Variants in EPB41L4A observed in about 807,000 individuals in gnomAD.
The protein encoded by EPB41L4A is band 4.1-like protein 4A.
In EPB41L4A, 100 loss-of-function variants were observed where a neutral mutation model predicts 108.6. That is an observed-to-expected ratio of 0.92 (90% confidence interval 0.78 to 1.09). The LOEUF (loss-of-function observed/expected upper bound fraction) is 1.09. EPB41L4A is among the 50% of genes least tolerant of loss of function. The pLI is 0.00. For synonymous variants in EPB41L4A, 319 were observed against 289.0 expected (o/e 1.10, Z -1.05); for missense variants, 1,030 against 842.7 (o/e 1.22, Z -2.75).
chr5:112,386,584 T>C (rs1760545131), intron 1 of EPB41L4A, among the ~76,000 whole-genome samples: 1 of 152,220 alleles, frequency 6.6e-6, no homozygotes, highest in Non-Finnish European at 1.5e-5. Flanking sequence ...GGCTCTGATC[T>C]GCAAAAGATG....
intron 13 of EPB41L4A, among the ~76,000 whole-genome samples, chr5:112,209,214 TAGAG>T (rs1022976339): frequency 2.0e-5 from 3 of 152,238 alleles, no homozygotes; most frequent in Non-Finnish European, 4.4e-5. Flanking sequence ...GCAACCCCTA[TAGAG>T]AAAGTGAGCT....
intron 1 of EPB41L4A, among the ~76,000 whole-genome samples, chr5:112,348,093 T>A (rs894468421): frequency 9.2e-5 from 14 of 152,336 alleles, no homozygotes; most frequent in African/African-American, 3.4e-4. Flanking sequence ...ATGCTCAAGA[T>A]AAGCCAACAT....
At chr5:112,306,933 G>C (rs749016735) in intron 2 of EPB41L4A, among the ~76,000 whole-genome samples, 1 of 151,820 alleles carries the variant, frequency 6.6e-6, no homozygotes, top group Non-Finnish European at 1.5e-5. Context: ...ATTTTATTTT[G>C]TAACAGCTCA....
rs541203393 is a variant in EPB41L4A, at chr5:112,182,078, A to G, written c.1622+1938T>C. On this transcript the variant is annotated intron_variant, in intron 18 of 22. Coordinates refer to ENST00000261486, the MANE Select transcript of EPB41L4A (RefSeq NM_022140.5). ...ACAGAGAAAAAAAAAAAAGAAAAAG[A>G]AATCAGAACAGTGGTTGGTTGTGGG... 9.2e-5 allele frequency among the ~76,000 whole-genome samples: 14 copies of G among 152,076 alleles called. No homozygotes were observed. In the South Asian group the frequency reaches 2.9e-3, roughly 32 times the overall value.
At chr5:112,397,245 T>C (rs781454358) in intron 1 of EPB41L4A, among the ~76,000 whole-genome samples, 1 of 152,210 alleles carries the variant, frequency 6.6e-6, no homozygotes, top group Non-Finnish European at 1.5e-5. Flanking sequence ...AGCTGATTTT[T>C]CATAAGAATT....
At chr5:112,214,936 T>C (rs1026629412) in intron 12 of EPB41L4A, among the ~76,000 whole-genome samples, 8 of 152,158 alleles carry the variant, frequency 5.3e-5, no homozygotes, top group Non-Finnish European at 8.8e-5. Context: ...ATATTTGACA[T>C]ATAAAACAAA....
chr5:112,181,597 G>A (rs4957631), intron 18 of EPB41L4A, among the ~76,000 whole-genome samples: 150,058 of 152,360 alleles, frequency 0.98, 73,908 homozygotes, highest in East Asian at 1. Flanking sequence ...AAACAATTCA[G>A]CTGTCCATCA....
chr5:112,176,524 G>A (rs1760871437), intron 18 of EPB41L4A, among the ~76,000 whole-genome samples: 1 of 152,012 alleles, frequency 6.6e-6, no homozygotes, highest in Admixed American at 6.6e-5. Flanking sequence ...TACCCACTCA[G>A]TGCATCTGCT....
intron 1 of EPB41L4A, among the ~76,000 whole-genome samples, chr5:112,358,269 C>G (rs1466947173): frequency 4.6e-5 from 7 of 152,186 alleles, no homozygotes; most frequent in African/African-American, 1.7e-4. Flanking sequence ...ATTACACATA[C>G]ACACATGAAT....
At chr5:112,297,499 T>C (rs1490022460) in intron 2 of EPB41L4A, among the ~76,000 whole-genome samples, 1 of 152,058 alleles carries the variant, frequency 6.6e-6, no homozygotes, top group Non-Finnish European at 1.5e-5. Flanking sequence ...TTCTTTCTTA[T>C]TTGTTTGAGT....
chr5:112,384,520 G>C (rs557413559), intron 1 of EPB41L4A, among the ~76,000 whole-genome samples: 2 of 151,988 alleles, frequency 1.3e-5, no homozygotes, highest in African/African-American at 4.8e-5. Flanking sequence ...TCTCCACTCA[G>C]AGCCTGAGAA....
Position 112,176,108 on chromosome 5 carries a change from G to C in EPB41L4A, c.1623-5116C>G, listed in dbSNP as rs541717888. Among the ~76,000 whole-genome samples the C allele has an allele frequency of 5.9e-5, 9 of 152,168 alleles. No homozygotes were observed. In the East Asian group the frequency reaches 9.7e-4, roughly 16 times the overall value. On this transcript the variant is annotated intron_variant, in intron 18 of 22. Coordinates refer to ENST00000261486, the MANE Select transcript of EPB41L4A (RefSeq NM_022140.5). ...GTTTCTAGAGAATAACTAAGACCTG[G>C]GGGAACTTACTAATAAAGGCTGTGA...
intron 1 of EPB41L4A, among the ~76,000 whole-genome samples, chr5:112,322,520 T>C (rs1755849014): frequency 6.6e-6 from 1 of 152,076 alleles, no homozygotes; most frequent in South Asian, 2.1e-4. Context: ...GAAATCTAAG[T>C]CGGTTCTACT....
intron 11 of EPB41L4A, among the ~76,000 whole-genome samples, chr5:112,235,858 T>C (rs1749293464): frequency 2.0e-5 from 3 of 152,194 alleles, no homozygotes; most frequent in Non-Finnish European, 4.4e-5. Context: ...TAACAGTTCA[T>C]GGAAATTCGG....
rs564942347 is a variant in EPB41L4A at position 112,215,770 on chromosome 5, A to C, written c.1088-5788T>G. 3.3e-4 allele frequency among the ~76,000 whole-genome samples: 48 copies of C among 145,964 alleles called. 1 individual carries two copies. Among genetic ancestry groups the C allele is most frequent in the Admixed American group, 6.2e-4 (9 of 14,600 alleles). ...AGAGTGAGACTCCATCTCAAAAAAA[A>C]AAAAAAACAAAAAAAACAAAAAAAA... On this transcript the variant is annotated intron_variant, in intron 12 of 22. Coordinates refer to ENST00000261486, the MANE Select transcript of EPB41L4A (RefSeq NM_022140.5).
At chr5:112,269,667 T>TG (rs1752122765) in intron 4 of EPB41L4A, among the ~76,000 whole-genome samples, 2 of 152,162 alleles carry the variant, frequency 1.3e-5, no homozygotes, top group Non-Finnish European at 2.9e-5. Flanking sequence ...AATAACTCAC[T>TG]TCATCATTCT....
intron 1 of EPB41L4A, among the ~76,000 whole-genome samples, chr5:112,332,188 A>G (rs1202312781): frequency 6.6e-6 from 1 of 152,230 alleles, no homozygotes; most frequent in Non-Finnish European, 1.5e-5. Context: ...AATCTTAAGG[A>G]TAGTGAGAAG....
At chr5:112,266,154 T>C (rs1751838789) in intron 5 of EPB41L4A, 79 bp downstream of exon 5, 1 of 979,918 alleles carries the variant, frequency 1.0e-6, no homozygotes, top group Non-Finnish European at 1.5e-6. Context: ...AGAAGAGTTT[T>C]AGTATGTAAA....
intron 1 of EPB41L4A, among the ~76,000 whole-genome samples, chr5:112,374,567 A>G (rs1045914063): frequency 1.1e-4 from 16 of 152,224 alleles, no homozygotes; most frequent in African/African-American, 3.6e-4. Flanking sequence ...CCAGGTCTTC[A>G]TGGTGCATCT....
Sources: gnomAD v4.1 joint callset for allele counts (sites outside exome capture counted in the v4.1 genomes callset) on GRCh38, gnomAD v4.1.1 for gene constraint, MANE v1.5 for transcripts, NCBI Gene and HGNC (gene_info 2026-07-23, HGNC 2026-07-21) for gene names.